EPB41L2: variants seen among roughly 807,000 people sequenced by gnomAD.
EPB41L2 encodes the protein band 4.1-like protein 2.
Under a neutral mutation model 113.0 loss-of-function variants are expected in EPB41L2, and 43 were observed. The observed-to-expected ratio is 0.38, with a 90% CI of 0.30 to 0.49. EPB41L2 has a LOEUF of 0.49. EPB41L2 is among the 20% of genes least tolerant of loss of function. The pLI is 0.95. For synonymous variants in EPB41L2, 442 were observed against 436.7 expected, an observed-to-expected ratio of 1.01 and a Z score of -0.15; for missense variants, 1,147 against 1,223.4, an observed-to-expected ratio of 0.94 and a Z score of 0.93.
chr6:131,007,194 A>T (rs1383436475), intron 1 of EPB41L2, among the ~76,000 whole-genome samples: 1 of 152,192 alleles, frequency 6.6e-6, no homozygotes, highest in Non-Finnish European at 1.5e-5. Flanking sequence ...CAAGGGTAGG[A>T]CCAGGTGGGC....
At chr6:130,919,640 A>C (rs878918384) in intron 4 of EPB41L2, among the ~76,000 whole-genome samples, 3 of 152,172 alleles carry the variant, frequency 2.0e-5, no homozygotes, top group Admixed American at 2.0e-4. Flanking sequence ...TAATCAGCTT[A>C]ATTACATCTC....
At chr6:131,015,922 T>C (rs1462033081) in intron 1 of EPB41L2, 1 of 152,208 alleles carries the variant, frequency 6.6e-6, no homozygotes, top group African/African-American at 2.4e-5. Context: ...GGTTCACTTT[T>C]ATATGGCAAA....
intron 19 of EPB41L2, among the ~76,000 whole-genome samples, chr6:130,857,861 C>T (rs1368592809): frequency 6.6e-6 from 1 of 152,086 alleles, no homozygotes; most frequent in Non-Finnish European, 1.5e-5. Context: ...ATGTAACTTA[C>T]AGTAATGTGC....
chr6:131,037,185 T>A (rs1793500363), intron 1 of EPB41L2, among the ~76,000 whole-genome samples: 1 of 152,254 alleles, frequency 6.6e-6, no homozygotes, highest in Non-Finnish European at 1.5e-5. Flanking sequence ...CCGGTTTTCA[T>A]CATTCCACAA....
chr6:130,960,577 C>T (rs999392463), intron 1 of EPB41L2, among the ~76,000 whole-genome samples: 3 of 152,132 alleles, frequency 2.0e-5, no homozygotes, highest in Non-Finnish European at 4.4e-5. Context: ...TGTCACCCAT[C>T]CAAATGGAAG....
At chr6:130,943,239 C>T (rs547775653) in intron 3 of EPB41L2, among the ~76,000 whole-genome samples, 1 of 152,194 alleles carries the variant, frequency 6.6e-6, no homozygotes, top group African/African-American at 2.4e-5. Flanking sequence ...CCTATTTCTC[C>T]ACATCCTCTC....
chr6:130,864,502 C>T (rs1023812790), intron 17 of EPB41L2, among the ~76,000 whole-genome samples: 7 of 152,150 alleles, frequency 4.6e-5, no homozygotes, highest in East Asian at 1.9e-4. Context: ...TTATGGGCTC[C>T]GTACAAGCTG....
At position 130,852,105 on chromosome 6, in the gene EPB41L2, G is replaced by A. The variant is rs143306759; in HGVS notation, c.*5+6026C>T. The stretch of plus-strand genomic sequence containing the variant: ...TCTCATTTTTATTGGACTCTTAAGA[G>A]CAAAAAGGGTTCATGGCCGACCTTG... On this transcript the variant is annotated intron_variant, in intron 19 of 19. Coordinates refer to ENST00000337057, the MANE Select transcript of EPB41L2 (RefSeq NM_001431.4). Among the ~76,000 whole-genome samples the A allele has an allele frequency of 8.0e-3, 1,214 of 152,178 alleles. 14 individuals are homozygous for A. The highest frequency in any genetic ancestry group is 0.027 in the African/African-American group (1,136 of 41,528).
chr6:131,027,412 C>CT (rs11419698), intron 1 of EPB41L2, among the ~76,000 whole-genome samples: 121,685 of 152,172 alleles, frequency 0.8, 49,046 homozygotes, highest in African/African-American at 0.88. Context: ...GGCAAATAAG[C>CT]TCCTTTCCAC....
At chr6:130,853,356 C>T (rs1385123282) in intron 19 of EPB41L2, among the ~76,000 whole-genome samples, 1 of 152,154 alleles carries the variant, frequency 6.6e-6, no homozygotes, top group Admixed American at 6.5e-5. Flanking sequence ...TCTGAGACCA[C>T]ACAGATCACA....
At chr6:130,878,769 A>AG (rs1447879720) in intron 13 of EPB41L2, 1 of 152,324 alleles carries the variant, frequency 6.6e-6, no homozygotes, top group Non-Finnish European at 1.5e-5. Flanking sequence ...ATCAACCCCC[A>AG]GCTGGAAAAG....
At chr6:130,857,639 A>G (rs1582726409) in intron 19 of EPB41L2, among the ~76,000 whole-genome samples, 1 of 135,692 alleles carries the variant, frequency 7.4e-6, no homozygotes, top group Non-Finnish European at 1.5e-5. Flanking sequence ...GCTCACTGCA[A>G]CCTCCGCCTC....
At chr6:130,885,474 T>C (rs982681795) in intron 11 of EPB41L2, among the ~76,000 whole-genome samples, 9 of 152,182 alleles carry the variant, frequency 5.9e-5, no homozygotes, top group Non-Finnish European at 8.8e-5. Context: ...TGAATTTTAA[T>C]GCACTGAGCT....
intron 3 of EPB41L2, among the ~76,000 whole-genome samples, chr6:130,932,576 CT>C (rs1196121262): frequency 6.6e-6 from 1 of 152,192 alleles, no homozygotes; most frequent in African/African-American, 2.4e-5. Context: ...ACTACCTCTA[CT>C]TGTATACAAA....
At chr6:130,909,592 A>G (rs926779365) in intron 4 of EPB41L2, among the ~76,000 whole-genome samples, 4 of 152,216 alleles carry the variant, frequency 2.6e-5, no homozygotes, top group Admixed American at 2.6e-4. Context: ...AAGGAAGTCA[A>G]ATTGTCTCTG....
intron 1 of EPB41L2, among the ~76,000 whole-genome samples, chr6:131,054,338 CT>C: frequency 1.2e-5 from 1 of 80,818 alleles, no homozygotes; most frequent in Non-Finnish European, 3.8e-5. Context: ...CTATCTGTCC[CT>C]GTCTGTCCCT....
In EPB41L2 at chr6:130,955,132, A is replaced by G. The variant is rs1480461406; in HGVS notation, c.678T>C (p.Asp226=). The stretch of plus-strand genomic sequence containing the variant: ...CCAGGTCACAGCTGTATTCGGTGCC[A>G]TCTAAGAGGGTCACTTTACACTGGA... The part of the protein sequence containing the change: ...KTVQCKVTLL[D]GTEYSCDLEK... Residue 226 remains aspartate (D), a synonymous_variant, in exon 3 of 20, where the codon GAT becomes GAC. Coordinates refer to ENST00000337057, the MANE Select transcript of EPB41L2 (RefSeq NM_001431.4). The G allele has an allele frequency of 1.2e-6, 2 of 1,614,166 alleles. No individual in the cohort carries two copies. The highest frequency in any genetic ancestry group is 1.1e-5 in the South Asian group (1 of 91,084).
intron 15 of EPB41L2, 95 bp downstream of exon 15, chr6:130,869,468 A>T: frequency 8.8e-7 from 1 of 1,139,692 alleles, no homozygotes; most frequent in Non-Finnish European, 1.2e-6. Flanking sequence ...TGTTGAAAAA[A>T]GCTGAAGAAC....
chr6:130,863,912 A>C (rs2128435815), intron 17 of EPB41L2, among the ~76,000 whole-genome samples, 194 bp from the exon 18 acceptor site: 1 of 152,284 alleles, frequency 6.6e-6, no homozygotes, highest in Non-Finnish European at 1.5e-5. Flanking sequence ...CCTATTACTA[A>C]AGTTATAGCA....
Sources: gnomAD v4.1 joint callset for allele counts (sites outside exome capture counted in the v4.1 genomes callset) on GRCh38, gnomAD v4.1.1 for gene constraint, MANE v1.5 for transcripts, NCBI Gene and HGNC (gene_info 2026-07-23, HGNC 2026-07-21) for gene names.